ITGB5: variants seen among roughly 807,000 people sequenced by gnomAD.
ITGB5 encodes integrin subunit beta 5.
A neutral mutation model predicts 84.8 loss-of-function variants in ITGB5; 38 were observed. The observed-to-expected ratio is 0.45, with a 90% CI of 0.35 to 0.59. ITGB5 has a LOEUF of 0.59. Among genes scored for constraint, ITGB5 ranks in the 20% least tolerant of loss-of-function variants. The pLI is 0.01. For missense variants in ITGB5, 905 were observed against 1,034.5 expected, an observed-to-expected ratio of 0.87 and a Z score of 1.72; for synonymous variants, 393 against 414.4, an observed-to-expected ratio of 0.95 and a Z score of 0.63.
chr3:124,815,020 C>T (rs796131185), intron 8 of ITGB5, among the ~76,000 whole-genome samples: 3 of 152,342 alleles, frequency 2.0e-5, no homozygotes, highest in African/African-American at 7.2e-5. Flanking sequence ...ACAGGGAATG[C>T]TTTCCCTTGT....
In ITGB5 at chr3:124,796,695, C is replaced by T. The variant is rs775683311; in HGVS notation, c.1386G>A (p.Thr462=). The T allele has an allele frequency of 9.3e-6, 15 of 1,613,980 alleles. No individual in the cohort carries two copies. Among genetic ancestry groups the T allele is most frequent in the Admixed American group, 3.3e-5 (2 of 59,996 alleles). ...SLEVGVTYNC[T]CGCSVGLEPN... Reference sequence around the variant, plus strand: ...GTTCCAGCCCCACGCTGCAGCCGCACGTGCAGTTGTAGGTGACCCCCACCT... The same window carrying T: ...GTTCCAGCCCCACGCTGCAGCCGCATGTGCAGTTGTAGGTGACCCCCACCT... Residue 462 remains threonine, a synonymous_variant, in exon 10 of 15, where the codon ACG becomes ACA. Coordinates refer to ENST00000296181, the MANE Select transcript of ITGB5 (RefSeq NM_002213.5).
Position 124,848,340 on chromosome 3 carries a change from C to A in ITGB5, c.580G>T (p.Ala194Ser). The stretch of plus-strand genomic sequence containing the variant: ...CACGGATTGGTCTGGTACCTCGGTG[C>A]CGTGTAGGAGAAAGGAGAGATGTCC... Reference protein sequence around the residue: ...DKDISPFSYTAPRYQTNPCIG... With the variant: ...DKDISPFSYTSPRYQTNPCIG... Residue 194 changes from alanine to serine, a missense_variant, in exon 4 of 15, where the codon GCA becomes TCA. Transcript: ENST00000296181. 1 of 1,614,156 alleles carries A rather than the reference C, an allele frequency of 6.2e-7. No individual in the cohort carries two copies. Among genetic ancestry groups the A allele is most frequent in the Non-Finnish European group, 8.5e-7 (1 of 1,180,020 alleles).
intron 2 of ITGB5, among the ~76,000 whole-genome samples, chr3:124,869,792 T>A (rs1367140282): frequency 6.6e-6 from 1 of 152,116 alleles, no homozygotes; most frequent in African/African-American, 2.4e-5. Context: ...GCTGGGGTGA[T>A]AACAAGCTCC....
chr3:124,869,148 T>C (rs2065439244), intron 2 of ITGB5, among the ~76,000 whole-genome samples: 1 of 152,220 alleles, frequency 6.6e-6, no homozygotes, highest in South Asian at 2.1e-4. Flanking sequence ...CCTCACCGGC[T>C]GTCTACTGGG....
At chr3:124,771,188 C>G (rs1445050312) in intron 11 of ITGB5, among the ~76,000 whole-genome samples, 1 of 152,174 alleles carries the variant, frequency 6.6e-6, no homozygotes, top group East Asian at 1.9e-4. Context: ...AGCCTGTTAA[C>G]TGAAATCAGC....
Position 124,782,914 on chromosome 3 carries a change from C to T in ITGB5, c.1694-9002G>A, listed in dbSNP as rs573843720. Among the ~76,000 whole-genome samples the T allele has an allele frequency of 1.1e-4, 16 of 152,086 alleles. No homozygotes were observed. In the South Asian group the frequency reaches 3.3e-3, roughly 32 times the overall value. ...TGAATATGGAGGAAAGGGGAGCTTG[C>T]AGTGAGTGTGGTGCAGACTGATGAC... On this transcript the variant is annotated intron_variant, in intron 10 of 14. Transcript: ENST00000296181.
At chr3:124,861,840 G>A (rs34415802) in intron 2 of ITGB5, among the ~76,000 whole-genome samples, 39 of 152,328 alleles carry the variant, frequency 2.6e-4, no homozygotes, top group South Asian at 1.2e-3. Context: ...AATTACAGGC[G>A]TGAGCCAGTG....
intron 10 of ITGB5, among the ~76,000 whole-genome samples, chr3:124,794,873 T>A (rs2064199417): frequency 6.8e-6 from 1 of 147,886 alleles, no homozygotes; most frequent in African/African-American, 2.5e-5. Flanking sequence ...AAGAAGAAAA[T>A]AAAAAAAGGT....
rs945479598 is a variant in ITGB5, at chr3:124,861,763, T to G, written c.157-2317A>C. On this transcript the variant is annotated intron_variant, in intron 2 of 14. Coordinates refer to ENST00000296181, the MANE Select transcript of ITGB5 (RefSeq NM_002213.5). Reference sequence around the variant, plus strand: ...TTTTAGTAGAGACGGGCTTTCACCATGTTGGCCAGGATGGCCTCGATCTCC... The same window carrying G: ...TTTTAGTAGAGACGGGCTTTCACCAGGTTGGCCAGGATGGCCTCGATCTCC... 4.6e-5 allele frequency among the ~76,000 whole-genome samples: 7 copies of G among 152,254 alleles called. No homozygotes were observed. The Middle Eastern group carries it at 0.01, about 222-fold the overall frequency.
At chr3:124,844,870 T>G in intron 4 of ITGB5, among the ~76,000 whole-genome samples, 1 of 152,200 alleles carries the variant, frequency 6.6e-6, no homozygotes, top group East Asian at 1.9e-4. Flanking sequence ...GCCTGAGCAA[T>G]TGGAATACAC....
chr3:124,824,130 C>A (rs1559954247), intron 5 of ITGB5, among the ~76,000 whole-genome samples: 2 of 152,100 alleles, frequency 1.3e-5, no homozygotes. Flanking sequence ...ACTAGCAAAA[C>A]AATTTTGAAA....
At chr3:124,886,186 C>A (rs1213302630) in intron 1 of ITGB5, among the ~76,000 whole-genome samples, 2 of 152,194 alleles carry the variant, frequency 1.3e-5, no homozygotes, top group Admixed American at 1.3e-4. Context: ...CTCCAGAATC[C>A]TCCACAGTTA....
At chr3:124,891,415 C>T (rs1358807335), upstream of ITGB5, among the ~76,000 whole-genome samples, 1 of 152,078 alleles carries the variant, frequency 6.6e-6, no homozygotes, top group Admixed American at 6.5e-5. Flanking sequence ...TGCAATGGCT[C>T]ATGCCTATGA....
chr3:124,772,673 C>T (rs746847991), intron 11 of ITGB5, among the ~76,000 whole-genome samples: 3 of 149,012 alleles, frequency 2.0e-5, no homozygotes, highest in Non-Finnish European at 3.0e-5. Context: ...TCTGTAATTC[C>T]CTCTCATTTG....
In ITGB5 at chr3:124,796,523, G is replaced by T. The variant is rs1210028722; in HGVS notation, c.1558C>A (p.Pro520Thr). Residue 520 changes from proline (P) to threonine (T), a missense_variant, in exon 10 of 15, where the codon CCA becomes ACA. Physicochemically the swap from Pro to Thr is conservative, Grantham distance 38. Transcript: ENST00000296181. The stretch of plus-strand genomic sequence containing the variant: ...CAGTCCCCACGCCCGCTGCACAGTG[G>T]CTTGCCCTCTGCCTCCCGGCACAGG... ...QNLCREAEGK[P>T]LCSGRGDCSC... 1.2e-6 allele frequency: 2 copies of T among 1,614,110 alleles called. No individual in the cohort carries two copies. Among genetic ancestry groups the T allele is most frequent in the Non-Finnish European group, 1.7e-6 (2 of 1,180,020 alleles).
chr3:124,765,751 C>G (rs2063757079), intron 13 of ITGB5, among the ~76,000 whole-genome samples: 1 of 152,188 alleles, frequency 6.6e-6, no homozygotes, highest in Non-Finnish European at 1.5e-5. Flanking sequence ...GACCTCAGAT[C>G]TGGTCTTCAT....
Position 124,800,598 on chromosome 3 carries a change from G to A in ITGB5, c.1264-3781C>T, listed in dbSNP as rs149802568. Among the ~76,000 whole-genome samples, 61 of 152,342 alleles carry A rather than the reference G, an allele frequency of 4.0e-4. No homozygotes were observed. In the East Asian group the frequency reaches 9.3e-3, roughly 23 times the overall value. Reference sequence around the variant, plus strand: ...TCTGTCTGGCCCTGTGCAGCCTGGAGTGTAGCCAGATGCCTGATAACCAGA... The same window carrying A: ...TCTGTCTGGCCCTGTGCAGCCTGGAATGTAGCCAGATGCCTGATAACCAGA... On this transcript the variant is annotated intron_variant, in intron 9 of 14. Coordinates refer to ENST00000296181, the MANE Select transcript of ITGB5 (RefSeq NM_002213.5).
rs530242440 is a variant in ITGB5 at position 124,851,220 on chromosome 3, G to C, written c.362-2662C>G. ...TTTGAATCCAGACCCTGTCACCAAGGACTAGGGAGAACTCAGGCTCTCTTC... is the reference window on the plus strand; with the variant it reads ...TTTGAATCCAGACCCTGTCACCAAGCACTAGGGAGAACTCAGGCTCTCTTC... On this transcript the variant is annotated intron_variant, in intron 3 of 14. Transcript: ENST00000296181. 2.0e-5 allele frequency among the ~76,000 whole-genome samples: 3 copies of C among 152,288 alleles called. No homozygotes were observed. In the East Asian group the frequency reaches 5.8e-4, roughly 29 times the overall value.
chr3:124,842,881 G>A (rs954268510), intron 4 of ITGB5, among the ~76,000 whole-genome samples: 1 of 152,100 alleles, frequency 6.6e-6, no homozygotes, highest in Non-Finnish European at 1.5e-5. Flanking sequence ...TTCCCTCTCA[G>A]GGCTACAGTC....
Sources: allele counts gnomAD v4.1 joint callset (sites outside exome capture counted in the v4.1 genomes callset), GRCh38; gene constraint gnomAD v4.1.1; transcripts MANE v1.5; gene names NCBI Gene and HGNC (gene_info 2026-07-23, HGNC 2026-07-21).